Variants in KLRF1 observed in about 807,000 individuals in gnomAD.
KLRF1 encodes killer cell lectin like receptor F1.
KLRF1 carries 27 observed loss-of-function variants against 30.7 expected under a neutral mutation model. That is an observed-to-expected ratio of 0.88 (90% CI 0.65 to 1.21). The LOEUF (loss-of-function observed/expected upper bound fraction) is 1.21, where lower values mean the gene tolerates loss of function less well. Among genes scored for constraint, KLRF1 ranks in the 50% most tolerant of loss-of-function variants. The pLI, the probability that KLRF1 is intolerant of heterozygous loss-of-function variation, is 0.00. For missense variants in KLRF1, 246 were observed against 259.3 expected (o/e 0.95, Z 0.35); for synonymous variants, 92 against 89.3 (o/e 1.03, Z -0.17).
At position 9,835,282 on chromosome 12, in the gene KLRF1, T is replaced by A. The variant is rs2908702; in HGVS notation, c.334+1830T>A. ...ACCTTGTGCGAGGCAAAACTGGAGA[T>A]GCAAAGTAAAAAGATGAGGAGTGCT... On this transcript the variant is annotated intron_variant, in intron 3 of 5. Transcript: ENST00000617889. Among the ~76,000 whole-genome samples, 114 of 152,030 alleles carry A rather than the reference T, an allele frequency of 7.5e-4. 1 individual carries two copies. The highest frequency in any genetic ancestry group is 3.4e-3 in the Middle Eastern group (1 of 294).
At chr12:9,839,981 G>A (rs944594693) in intron 3 of KLRF1, among the ~76,000 whole-genome samples, 2 of 152,042 alleles carry the variant, frequency 1.3e-5, no homozygotes, top group Admixed American at 1.3e-4. Context: ...TAAACAAAAT[G>A]CACTACATAC....
intron 4 of KLRF1, 134 bp downstream of exon 4, chr12:9,842,085 T>C: frequency 9.8e-7 from 1 of 1,022,368 alleles, no homozygotes; most frequent in South Asian, 1.6e-5. Flanking sequence ...AATTTTGTAT[T>C]CCAAGTGAGT....
chr12:9,811,183 A>G, the KLRF1 span, among the ~76,000 whole-genome samples: 3 of 151,882 alleles, frequency 2.0e-5, no homozygotes, highest in African/African-American at 7.3e-5. Context: ...AAAGCAAAAA[A>G]AAAAAAGGTA....
At position 9,842,445 on chromosome 12, in the gene KLRF1, T is replaced by C; in HGVS notation, c.587+12T>C. 1 of 1,609,524 alleles carries C rather than the reference T, an allele frequency of 6.2e-7. No homozygotes were observed. The highest frequency in any genetic ancestry group is 8.5e-7 in the Non-Finnish European group (1 of 1,177,332). ...ATAGATTCAAAGATGTGAGTCTTTC[T>C]TAAAAGGCAATCTGATTTATTGTTT... On this transcript the variant is annotated intron_variant, in intron 5 of 5. Transcript: ENST00000617889.
At chr12:9,824,167 A>T (rs1472520777), upstream of KLRF1, among the ~76,000 whole-genome samples, 1 of 152,136 alleles carries the variant, frequency 6.6e-6, no homozygotes. Context: ...AGCACAACAA[A>T]AAAAAGAAAA....
chr12:9,802,739 G>T, the KLRF1 span, among the ~76,000 whole-genome samples: 2 of 151,924 alleles, frequency 1.3e-5, no homozygotes, highest in African/African-American at 4.8e-5. Flanking sequence ...AAATACCTAG[G>T]AATACAGCCT....
chr12:9,837,101 A>G (rs955526975), intron 3 of KLRF1, among the ~76,000 whole-genome samples: 2 of 151,998 alleles, frequency 1.3e-5, no homozygotes, highest in Non-Finnish European at 2.9e-5. Flanking sequence ...TACATACCCA[A>G]CAAGCAAATC....
chr12:9,841,972 G>T lies in KLRF1; in HGVS notation c.474+21G>T, dbSNP rs775355032. On this transcript the variant is annotated intron_variant, in intron 4 of 5. Coordinates refer to ENST00000617889, the MANE Select transcript of KLRF1 (RefSeq NM_016523.3). Reference sequence around the variant, plus strand: ...AAATGGTAATTGGTCTAGTATCAGGGTTATGGCATCTTTGCAGTAAAAAAT... The same window carrying T: ...AAATGGTAATTGGTCTAGTATCAGGTTTATGGCATCTTTGCAGTAAAAAAT... 3.1e-6 allele frequency: 5 copies of T among 1,587,622 alleles called. No individual in the cohort carries two copies. In the East Asian group the frequency reaches 1.1e-4, roughly 36 times the overall value.
chr12:9,823,488 A>C (rs762058702), upstream of KLRF1, among the ~76,000 whole-genome samples: 14 of 152,324 alleles, frequency 9.2e-5, no homozygotes, highest in African/African-American at 3.4e-4. Flanking sequence ...CAGCTAAGGC[A>C]GTATTAAGAG....
intron 5 of KLRF1, 101 bp downstream of exon 5, chr12:9,842,534 GA>G (rs1867728118): frequency 3.3e-6 from 3 of 918,882 alleles, no homozygotes; most frequent in African/African-American, 3.4e-5. Context: ...TGGTACTACA[GA>G]ATTCAAAAGA....
rs754420471 is a variant in KLRF1 at position 9,841,917 on chromosome 12, C to T, written c.440C>T (p.Ser147Phe). Residue 147 changes from serine to phenylalanine, a missense_variant, in exon 4 of 6, where the codon TCT becomes TTT. By Grantham distance (155) the Ser-to-Phe change is radical (BLOSUM62 -2). Coordinates refer to ENST00000617889, the MANE Select transcript of KLRF1 (RefSeq NM_016523.3). The stretch of plus-strand genomic sequence containing the variant: ...TATGTGTATTGTTTGGAAAGAAAAT[C>T]TCATCTACTAATCATACATGACCAA... ...DSYVYCLERK[S>F]HLLIIHDQLE... The T allele has an allele frequency of 4.3e-6, 7 of 1,612,104 alleles. No homozygotes were observed. The highest frequency in any genetic ancestry group is 5.9e-6 in the Non-Finnish European group (7 of 1,178,752).
the KLRF1 span, among the ~76,000 whole-genome samples, chr12:9,818,185 TG>T: frequency 6.6e-6 from 1 of 152,244 alleles, no homozygotes; most frequent in African/African-American, 2.4e-5. Context: ...ACCATAGAGC[TG>T]GACTGTCTCT....
At chr12:9,816,655 C>A in the KLRF1 span, among the ~76,000 whole-genome samples, 3 of 151,598 alleles carry the variant, frequency 2.0e-5, no homozygotes, top group Non-Finnish European at 4.4e-5. Context: ...GTTCATCTTT[C>A]CTGTCTAGGT....
At chr12:9,824,020 G>C (rs1358823281), upstream of KLRF1, among the ~76,000 whole-genome samples, 3 of 151,984 alleles carry the variant, frequency 2.0e-5, no homozygotes, top group Non-Finnish European at 2.9e-5. Context: ...AGCTCAGATG[G>C]ATTCACAGCC....
At chr12:9,804,252 T>G in the KLRF1 span, among the ~76,000 whole-genome samples, 1 of 151,938 alleles carries the variant, frequency 6.6e-6, no homozygotes, top group African/African-American at 2.4e-5. Context: ...AGAAATGTCT[T>G]TTCAGATCTT....
chr12:9,821,371 T>C, the KLRF1 span, among the ~76,000 whole-genome samples: 3 of 152,050 alleles, frequency 2.0e-5, no homozygotes, highest in African/African-American at 7.2e-5. Flanking sequence ...CTCAGACTAA[T>C]GAAGGAGCAA....
chr12:9,842,405 G>T lies in KLRF1; in HGVS notation c.559G>T (p.Val187Leu). The T allele has an allele frequency of 1.2e-6, 2 of 1,612,360 alleles. No individual in the cohort carries two copies. Among genetic ancestry groups the T allele is most frequent in the Non-Finnish European group, 1.7e-6 (2 of 1,178,932 alleles). Residue 187 changes from valine (V) to leucine (L), a missense_variant, in exon 5 of 6, where the codon GTG (valine) becomes TTG (leucine). Physicochemically the swap from Val to Leu is conservative, Grantham distance 32 (BLOSUM62 1). Transcript: ENST00000617889. ...CTCCTTGAAAATGACATGGACTTGGGTGGATGGTTCTCCAATAGATTCAAA... is the reference window on the plus strand; with the variant it reads ...CTCCTTGAAAATGACATGGACTTGGTTGGATGGTTCTCCAATAGATTCAAA... ...FTSLKMTWTWVDGSPIDSKIF... is the reference protein window; with the variant it reads ...FTSLKMTWTWLDGSPIDSKIF...
At chr12:9,824,700 A>G (rs889957052), upstream of KLRF1, among the ~76,000 whole-genome samples, 1 of 152,180 alleles carries the variant, frequency 6.6e-6, no homozygotes, top group African/African-American at 2.4e-5. Flanking sequence ...CCATATGATT[A>G]TATACCTAGA....
chr12:9,837,607 C>T (rs939172869), intron 3 of KLRF1, among the ~76,000 whole-genome samples: 5 of 152,112 alleles, frequency 3.3e-5, no homozygotes, highest in East Asian at 1.9e-4. Flanking sequence ...GCTCATTCCC[C>T]GGCTTTTCCT....
Sources: allele counts gnomAD v4.1 joint callset (sites outside exome capture counted in the v4.1 genomes callset), GRCh38; gene constraint gnomAD v4.1.1; transcripts MANE v1.5; gene names NCBI Gene and HGNC (gene_info 2026-07-23, HGNC 2026-07-21).